VCPIP1: variants seen among roughly 807,000 people sequenced by gnomAD.
VCPIP1 encodes deubiquitinating protein VCPIP1.
In VCPIP1, 8 loss-of-function variants were observed where a neutral mutation model predicts 85.0. That is an observed-to-expected ratio of 0.09 (90% confidence interval 0.06 to 0.17). The LOEUF is 0.17. Among genes scored for constraint, VCPIP1 ranks in the 10% least tolerant of loss-of-function variants. The pLI is 1.00. For synonymous variants in VCPIP1, 543 were observed against 544.5 expected (o/e 1.00, Z 0.04); for missense variants, 1,070 against 1,486.3 (o/e 0.72, Z 4.61).
chr8:66,660,518 G>C (rs190148482), intron 1 of VCPIP1, among the ~76,000 whole-genome samples: 2 of 152,290 alleles, frequency 1.3e-5, no homozygotes, highest in Admixed American at 6.5e-5. Context: ...CCAGCTATTT[G>C]AACAGCATAA....
In VCPIP1 at chr8:66,635,202, C is replaced by A; in HGVS notation, c.2968G>T (p.Ala990Ser). The A allele has an allele frequency of 6.2e-7, 1 of 1,614,176 alleles. No homozygotes were observed. The highest frequency in any genetic ancestry group is 1.1e-5 in the South Asian group (1 of 91,082). ...CTTGATTCCCTACTTCTTGTAGTAGCCTCTGCTCGAACCTGACTTACAGCC... is the reference window on the plus strand; with the variant it reads ...CTTGATTCCCTACTTCTTGTAGTAGACTCTGCTCGAACCTGACTTACAGCC... The part of the protein sequence containing the change: ...KEAVSQVRAE[A>S]TTRSRESSPS... The change falls in exon 3 of 3, where the codon GCT becomes TCT. Residue 990 changes from alanine to serine, a missense_variant. Physicochemically the swap from Ala to Ser is moderately conservative, Grantham distance 99 (BLOSUM62 1). Transcript: ENST00000310421.
chr8:66,658,492 C>A (rs565065342), intron 1 of VCPIP1, among the ~76,000 whole-genome samples: 28 of 151,474 alleles, frequency 1.8e-4, no homozygotes, highest in Admixed American at 1.7e-3. Flanking sequence ...CTGGAAAATT[C>A]TTTTTTTCTT....
In VCPIP1 at chr8:66,635,289, A is replaced by G. The variant is rs1311476122; in HGVS notation, c.2881T>C (p.Leu961=). The G allele has an allele frequency of 1.2e-6, 2 of 1,614,186 alleles. No homozygotes were observed. Among genetic ancestry groups the G allele is most frequent in the Admixed American group, 3.3e-5 (2 of 60,010 alleles). The change falls in exon 3 of 3, where the codon TTG becomes CTG. Residue 961 remains leucine, a synonymous_variant. Transcript: ENST00000310421. ...VYNASEDRLE[L]CVDAAGHFPI... ...AAATGTCCTGCAGCATCCACACACAATTCCAGTCTATCTTCAGAAGCATTA... is the reference window on the plus strand; with the variant it reads ...AAATGTCCTGCAGCATCCACACACAGTTCCAGTCTATCTTCAGAAGCATTA...
intron 1 of VCPIP1, among the ~76,000 whole-genome samples, chr8:66,658,845 T>C (rs920536101): frequency 7.2e-5 from 11 of 152,178 alleles, no homozygotes; most frequent in Non-Finnish European, 1.6e-4. Flanking sequence ...TTACAAAATA[T>C]TGTGTATTTT....
chr8:66,660,184 T>G (rs1811141946), intron 1 of VCPIP1, among the ~76,000 whole-genome samples: 1 of 152,206 alleles, frequency 6.6e-6, no homozygotes, highest in South Asian at 2.1e-4. Flanking sequence ...TAGTATACAC[T>G]GATTTTGCTG....
Position 66,664,905 on chromosome 8 carries a change from T to A in VCPIP1, c.2054A>T (p.Glu685Val), listed in dbSNP as rs201757139. ...RVGDVQGQES[E>V]SQLPTKIILT... ...AATAATTTTAGTTGGGAGCTGAGAC[T>A]CTGATTCTTGTCCTTGAACATCTCC... The change falls in exon 1 of 3, where the codon GAG becomes GTG. Residue 685 changes from glutamate (E) to valine (V), a missense_variant. Transcript: ENST00000310421. 2.0e-5 allele frequency: 32 copies of A among 1,614,120 alleles called. No homozygotes were observed. In the Admixed American group the frequency reaches 4.8e-4, roughly 24 times the overall value.
In VCPIP1 at chr8:66,664,374, GCAGCAGACTGACCACCTT is replaced by G. The variant is rs1429553687; in HGVS notation, c.2567_2584del (p.Glu856_Ala861del). 2.4e-5 allele frequency: 39 copies of G among 1,613,766 alleles called. No homozygotes were observed. Among genetic ancestry groups the G allele is most frequent in the Non-Finnish European group, 3.1e-5 (37 of 1,179,784 alleles). On this transcript the variant is annotated inframe_deletion, in exon 1 of 3. Coordinates refer to ENST00000310421, the MANE Select transcript of VCPIP1 (RefSeq NM_025054.5). ...TTTCACAGTGTGGGCTGAGTGTGCT[GCAGCAGACTGACCACCTT>G]CAGCTTTACTTTTTAGAATTTCTAT...
chr8:66,648,681 A>T (rs145086479), intron 2 of VCPIP1, among the ~76,000 whole-genome samples: 52 of 152,096 alleles, frequency 3.4e-4, no homozygotes, highest in African/African-American at 1.2e-3. Flanking sequence ...CAGCCTCCCA[A>T]GTAGCTGGGA....
intron 1 of VCPIP1, among the ~76,000 whole-genome samples, chr8:66,663,087 G>C (rs1811172967): frequency 7.3e-6 from 1 of 137,364 alleles, no homozygotes; most frequent in Admixed American, 7.3e-5. Context: ...CCTGGAGACA[G>C]AGCAAGACTC....
intron 2 of VCPIP1, among the ~76,000 whole-genome samples, chr8:66,637,993 T>C (rs1035451041): frequency 6.6e-6 from 1 of 152,102 alleles, no homozygotes; most frequent in African/African-American, 2.4e-5. Context: ...AAACAAAAAT[T>C]CCATTACTTA....
In VCPIP1 at chr8:66,634,420, G is replaced by A. The variant is rs1390788048; in HGVS notation, c.*81C>T. On this transcript the variant is annotated 3_prime_UTR_variant, in exon 3 of 3. Coordinates refer to ENST00000310421, the MANE Select transcript of VCPIP1 (RefSeq NM_025054.5). ...ATTATATACGTACAAGATTTTTAAT[G>A]ACTAATCAAGTTACGTGGCCCAGCC... 4 of 1,448,314 alleles carry A rather than the reference G, an allele frequency of 2.8e-6. No homozygotes were observed. The highest frequency in any genetic ancestry group is 3.7e-6 in the Non-Finnish European group (4 of 1,077,634). The allele number at this position is 1,448,314 out of a possible 1,614,324, so 89.7% of individuals were successfully genotyped here. A position where few individuals can be genotyped will look rare whatever the true frequency, so the allele number is the denominator to read the frequency against.
chr8:66,659,697 C>G (rs111909647), intron 1 of VCPIP1, among the ~76,000 whole-genome samples: 1 of 152,172 alleles, frequency 6.6e-6, no homozygotes, highest in African/African-American at 2.4e-5. Flanking sequence ...TTTGGGAAGC[C>G]GAGGCGGTGG....
intron 1 of VCPIP1, among the ~76,000 whole-genome samples, chr8:66,661,644 G>A (rs187363544): frequency 1.3e-5 from 2 of 151,830 alleles, no homozygotes; most frequent in African/African-American, 4.8e-5. Context: ...GCTGAGGCAG[G>A]AGAATCATTT....
chr8:66,639,906 C>T (rs1810930805), intron 2 of VCPIP1, among the ~76,000 whole-genome samples: 1 of 151,956 alleles, frequency 6.6e-6, no homozygotes, highest in Admixed American at 6.6e-5. Context: ...ATGATGAGAA[C>T]ATATGGACAC....
At chr8:66,658,869 C>T (rs551343705) in intron 1 of VCPIP1, among the ~76,000 whole-genome samples, 5 of 152,088 alleles carry the variant, frequency 3.3e-5, no homozygotes, top group Non-Finnish European at 5.9e-5. Context: ...TATATATATA[C>T]GTTAAAAAGC....
At position 66,629,000 on chromosome 8, in the gene VCPIP1, A is replaced by AT. The variant is rs1810807085; in HGVS notation, c.*5500dup. ...TGTACAACCCCCCATTTTTTAGTCA[A>AT]TTATGTACAAGTAAAATAAGTTTTA... On this transcript the variant is annotated 3_prime_UTR_variant, in exon 3 of 3. Transcript: ENST00000310421. 6.6e-6 allele frequency: 1 copy of AT among 152,240 alleles called. No homozygotes were observed. The highest frequency in any genetic ancestry group is 2.1e-4 in the South Asian group (1 of 4,834). The allele number at this position is 152,240 out of a possible 1,614,324, so 9.4% of individuals were successfully genotyped here.
intron 2 of VCPIP1, among the ~76,000 whole-genome samples, chr8:66,641,564 C>T (rs1810948149): frequency 6.6e-6 from 1 of 152,120 alleles, no homozygotes; most frequent in Non-Finnish European, 1.5e-5. Context: ...ACTTTTAGAA[C>T]AGTTTCATCA....
At chr8:66,662,031 T>C (rs2130181837) in intron 1 of VCPIP1, among the ~76,000 whole-genome samples, 1 of 151,996 alleles carries the variant, frequency 6.6e-6, no homozygotes, top group Non-Finnish European at 1.5e-5. Context: ...CCTCCCAAAG[T>C]GCTGGGATTA....
At position 66,648,925 on chromosome 8, in the gene VCPIP1, C is replaced by T. The variant is rs554288328; in HGVS notation, c.2797+2533G>A. Among the ~76,000 whole-genome samples the T allele has an allele frequency of 5.3e-5, 8 of 152,056 alleles. No homozygotes were observed. The East Asian group carries it at 9.8e-4, about 19-fold the overall frequency. Reference sequence around the variant, plus strand: ...CGTGTAATCGCACACTTTGGGAGGCCGATGCAGGAAGATCACCTGAGCTCA... The same window carrying T: ...CGTGTAATCGCACACTTTGGGAGGCTGATGCAGGAAGATCACCTGAGCTCA... On this transcript the variant is annotated intron_variant, in intron 2 of 2. Coordinates refer to ENST00000310421, the MANE Select transcript of VCPIP1 (RefSeq NM_025054.5).
Sources: gnomAD v4.1 joint callset for allele counts (sites outside exome capture counted in the v4.1 genomes callset) on GRCh38, gnomAD v4.1.1 for gene constraint, MANE v1.5 for transcripts, NCBI Gene and HGNC (gene_info 2026-07-23, HGNC 2026-07-21) for gene names.